The following TMEM207 variants were observed in gnomAD, a reference collection of about 807,000 sequenced individuals.
TMEM207 encodes the protein SRSR846.
TMEM207 carries 15 observed loss-of-function variants against 17.4 expected under a neutral mutation model. That is an observed-to-expected ratio of 0.86 (90% CI 0.58 to 1.33). The LOEUF (loss-of-function observed/expected upper bound fraction) is 1.33. TMEM207 is among the 40% of genes most tolerant of loss of function. The pLI is 0.00. For synonymous variants in TMEM207, 70 were observed against 65.6 expected, an observed-to-expected ratio of 1.07 and a Z score of -0.33; for missense variants, 205 against 173.8, an observed-to-expected ratio of 1.18 and a Z score of -1.01.
intron 3 of TMEM207, 30 bp from the exon 4 acceptor site, chr3:190,440,419 G>C: frequency 6.3e-7 from 1 of 1,596,358 alleles, no homozygotes; most frequent in South Asian, 1.1e-5. Flanking sequence ...AGAAAAGAAT[G>C]AGGTAGAGTA....
In TMEM207 at chr3:190,429,546, G is replaced by A; in HGVS notation, c.*49C>T. 1 of 1,600,426 alleles carries A rather than the reference G, an allele frequency of 6.2e-7. No homozygotes were observed. On this transcript the variant is annotated 3_prime_UTR_variant, in exon 5 of 5. Coordinates refer to ENST00000354905, the MANE Select transcript of TMEM207 (RefSeq NM_207316.3). ...TAACTATTCCTAAATTTGATGTTTT[G>A]GAATTACAGATGTCGTTAATACTTT...
At chr3:190,441,039 AGCCTGGGCGACAGAGCAAAACT>A (rs1294487839) in intron 3 of TMEM207, among the ~76,000 whole-genome samples, 1 of 152,182 alleles carries the variant, frequency 6.6e-6, no homozygotes, top group African/African-American at 2.4e-5. Flanking sequence ...ACTGCACTGC[AGCCTGGGCGACAGAGCAAAACT>A]GTGTCTCAGA....
chr3:190,438,300 T>TA (rs1363220542), intron 4 of TMEM207, among the ~76,000 whole-genome samples: 4 of 101,262 alleles, frequency 4.0e-5, no homozygotes, highest in African/African-American at 1.6e-4. Context: ...TTTTTTTTTC[T>TA]TTTTTTTTTT....
At position 190,428,818 on chromosome 3, in the gene TMEM207, A is replaced by G. The variant is rs1340647552; in HGVS notation, c.*777T>C. On this transcript the variant is annotated 3_prime_UTR_variant, in exon 5 of 5. Transcript: ENST00000354905. Reference sequence around the variant, plus strand: ...CTACTTCTGCAGTCCTCATGGGAACAGATACCTATGCCGAAGGTTCTTAGC... The same window carrying G: ...CTACTTCTGCAGTCCTCATGGGAACGGATACCTATGCCGAAGGTTCTTAGC... The G allele has an allele frequency of 6.6e-6, 1 of 152,210 alleles. No homozygotes were observed. Among genetic ancestry groups the G allele is most frequent in the East Asian group, 1.9e-4 (1 of 5,186 alleles). 9.4% of individuals were successfully genotyped at this position (152,210 alleles called of 1,614,324 possible). A position where few individuals can be genotyped will look rare whatever the true frequency, so the allele number is the denominator to read the frequency against.
At chr3:190,443,145 C>CTTTTTTTTTTTTTTTTTTTTTTTTTT (rs201791052) in intron 2 of TMEM207, among the ~76,000 whole-genome samples, 5 of 140,336 alleles carry the variant, frequency 3.6e-5, no homozygotes, top group Admixed American at 7.2e-5. Context: ...ATTAAAAAAG[C>CTTTTTTTTTTTTTTTTTTTTTTTTTT]TTTTTTTTTT....
chr3:190,449,024 G>A lies in TMEM207; in HGVS notation c.75+711C>T, dbSNP rs572200343. Reference sequence around the variant, plus strand: ...AGTTTATTTATGAGTAGATGAAATCGTTTGGGATCCAGCTTAACAGATAAA... The same window carrying A: ...AGTTTATTTATGAGTAGATGAAATCATTTGGGATCCAGCTTAACAGATAAA... On this transcript the variant is annotated intron_variant, in intron 1 of 4. Transcript: ENST00000354905. Among the ~76,000 whole-genome samples, 44 of 152,288 alleles carry A rather than the reference G, an allele frequency of 2.9e-4. No homozygotes were observed. In the South Asian group the frequency reaches 8.3e-3, roughly 29 times the overall value.
In TMEM207 at chr3:190,429,069, T is replaced by C. The variant is rs1276335132; in HGVS notation, c.*526A>G. 2 of 152,496 alleles carry C rather than the reference T, an allele frequency of 1.3e-5. No individual in the cohort carries two copies. The highest frequency in any genetic ancestry group is 4.8e-5 in the African/African-American group (2 of 41,444). 9.4% of individuals were successfully genotyped at this position (152,496 alleles called of 1,614,324 possible). ...TGCTGAGACTTGTAATCTTTTCCTT[T>C]TCCTCTTCATTTATCCTTTACCCTT... On this transcript the variant is annotated 3_prime_UTR_variant, in exon 5 of 5. Transcript: ENST00000354905.
At chr3:190,447,894 C>A in intron 1 of TMEM207, 67 bp from the exon 2 acceptor site, 1 of 1,446,424 alleles carries the variant, frequency 6.9e-7, no homozygotes, top group Non-Finnish European at 9.4e-7. Flanking sequence ...ATACAAGCAG[C>A]GCCTAGAGAC....
At chr3:190,438,927 C>T (rs1480639166) in intron 4 of TMEM207, among the ~76,000 whole-genome samples, 2 of 152,102 alleles carry the variant, frequency 1.3e-5, no homozygotes, top group South Asian at 2.1e-4. Flanking sequence ...CGGTGGCTCA[C>T]GCCTGTAATC....
At position 190,446,517 on chromosome 3, in the gene TMEM207, G is replaced by A. The variant is rs77506078; in HGVS notation, c.113+1273C>T. Among the ~76,000 whole-genome samples the A allele has an allele frequency of 3.0e-5, 4 of 134,530 alleles. No individual in the cohort carries two copies. The South Asian group carries it at 9.5e-4, about 32-fold the overall frequency. 88.3% of individuals were successfully genotyped at this position (134,530 alleles called of 152,430 possible). On this transcript the variant is annotated intron_variant, in intron 2 of 4. Coordinates refer to ENST00000354905, the MANE Select transcript of TMEM207 (RefSeq NM_207316.3). Reference sequence around the variant, plus strand: ...TTCATTTGAGGGTTAATTTTTTTTTGTTTTTACTCAAAAGCAATTGTATTG... The same window carrying A: ...TTCATTTGAGGGTTAATTTTTTTTTATTTTTACTCAAAAGCAATTGTATTG...
chr3:190,436,940 A>G (rs932637373), intron 4 of TMEM207, among the ~76,000 whole-genome samples: 4 of 152,198 alleles, frequency 2.6e-5, no homozygotes, highest in African/African-American at 7.2e-5. Context: ...CTATCCTGCC[A>G]TCCTGAGCAT....
chr3:190,445,679 C>T (rs1356556365), intron 2 of TMEM207, among the ~76,000 whole-genome samples: 1 of 152,080 alleles, frequency 6.6e-6, no homozygotes, highest in African/African-American at 2.4e-5. Flanking sequence ...GTGCGTGCCA[C>T]CATGCCCGGC....
intron 4 of TMEM207, among the ~76,000 whole-genome samples, chr3:190,434,344 T>C (rs1346461097): frequency 1.3e-5 from 2 of 152,120 alleles, no homozygotes; most frequent in African/African-American, 4.8e-5. Context: ...CTCCATATTG[T>C]TCTTGTGGTA....
At chr3:190,436,982 T>A (rs1289782786) in intron 4 of TMEM207, among the ~76,000 whole-genome samples, 1 of 152,050 alleles carries the variant, frequency 6.6e-6, no homozygotes. Flanking sequence ...CGGCAGTGGG[T>A]GGAACAACCT....
chr3:190,446,953 A>T (rs929224715), intron 2 of TMEM207, among the ~76,000 whole-genome samples: 6 of 152,208 alleles, frequency 3.9e-5, no homozygotes, highest in Admixed American at 2.0e-4. Flanking sequence ...AACGTAAAGA[A>T]ATAGCAATCG....
At chr3:190,447,507 A>T (rs1720075629) in intron 2 of TMEM207, among the ~76,000 whole-genome samples, 1 of 152,186 alleles carries the variant, frequency 6.6e-6, no homozygotes, top group African/African-American at 2.4e-5. Context: ...ATGAACTTAA[A>T]GTACCCTTGA....
At chr3:190,436,865 T>C (rs1170992095) in intron 4 of TMEM207, among the ~76,000 whole-genome samples, 1 of 152,148 alleles carries the variant, frequency 6.6e-6, no homozygotes, top group African/African-American at 2.4e-5. Flanking sequence ...GAAACAGAAA[T>C]GCCAAAAAGC....
chr3:190,438,040 T>C (rs988183291), intron 4 of TMEM207, among the ~76,000 whole-genome samples: 2 of 137,204 alleles, frequency 1.5e-5, no homozygotes, highest in African/African-American at 5.6e-5. Flanking sequence ...TAGGTGGGAA[T>C]TGAACAATGA....
intron 3 of TMEM207, among the ~76,000 whole-genome samples, chr3:190,441,062 G>A (rs764794456): frequency 2.6e-5 from 4 of 151,514 alleles, no homozygotes; most frequent in Non-Finnish European, 5.9e-5. Context: ...GAGCAAAACT[G>A]TGTCTCAGAG....
Sources: allele counts gnomAD v4.1 joint callset (sites outside exome capture counted in the v4.1 genomes callset), GRCh38; gene constraint gnomAD v4.1.1; transcripts MANE v1.5; gene names NCBI Gene and HGNC (gene_info 2026-07-23, HGNC 2026-07-21).